Variants in RGS6 observed in about 807,000 individuals in gnomAD.
RGS6 encodes the protein regulator of G-protein signaling 6.
A neutral mutation model predicts 78.5 loss-of-function variants in RGS6; 30 were observed. That is an observed-to-expected ratio of 0.38 (90% CI 0.29 to 0.52). The LOEUF is 0.52. Among genes scored for constraint, RGS6 ranks in the 20% least tolerant of loss-of-function variants. The probability of loss-of-function intolerance (pLI) is 0.85; values close to 1 mark genes in which losing one functional copy is unlikely to be tolerated. For missense variants in RGS6, 495 were observed against 609.7 expected (o/e 0.81, Z 1.98); for synonymous variants, 206 against 206.0 (o/e 1.00, Z 0.00).
At chr14:71,948,498 T>C (rs2091864774) in intron 1 of RGS6, among the ~76,000 whole-genome samples, 1 of 152,222 alleles carries the variant, frequency 6.6e-6, no homozygotes, top group Non-Finnish European at 1.5e-5. Context: ...AGATCTGCAT[T>C]TATTTGCACT....
intron 6 of RGS6, among the ~76,000 whole-genome samples, chr14:72,463,593 A>T (rs1286480939): frequency 6.6e-6 from 1 of 152,212 alleles, no homozygotes; most frequent in Non-Finnish European, 1.5e-5. Context: ...ATTTCTTGGG[A>T]TGACTCTGCC....
At chr14:72,228,986 C>T (rs4903002) in intron 2 of RGS6, among the ~76,000 whole-genome samples, 17,519 of 152,078 alleles carry the variant, frequency 0.12, 1,266 homozygotes, top group East Asian at 0.33. Context: ...ACCTGGGAAG[C>T]GGAGGTTGCA....
At chr14:72,173,754 G>A (rs952743783) in intron 2 of RGS6, among the ~76,000 whole-genome samples, 9 of 152,014 alleles carry the variant, frequency 5.9e-5, no homozygotes, top group African/African-American at 9.7e-5. Flanking sequence ...GAACCTTCCC[G>A]TCCCCTCCTC....
chr14:72,362,307 G>A (rs1386396366), intron 3 of RGS6, among the ~76,000 whole-genome samples: 1 of 152,106 alleles, frequency 6.6e-6, no homozygotes, highest in East Asian at 1.9e-4. Flanking sequence ...ATTTTTATTG[G>A]GTATGTCTAG....
chr14:72,144,925 G>A (rs2096588149), intron 2 of RGS6, among the ~76,000 whole-genome samples: 2 of 152,142 alleles, frequency 1.3e-5, no homozygotes, highest in South Asian at 2.1e-4. Context: ...GAAGCATTCA[G>A]GGATCAGAGT....
chr14:72,492,197 TCACATGA>T (rs919417864), intron 12 of RGS6, among the ~76,000 whole-genome samples: 2 of 152,194 alleles, frequency 1.3e-5, no homozygotes. Context: ...TTCATCAGTT[TCACATGA>T]CACAGAAGCC....
chr14:72,174,202 G>A (rs867532454), intron 2 of RGS6, among the ~76,000 whole-genome samples: 52 of 152,234 alleles, frequency 3.4e-4, no homozygotes, highest in African/African-American at 1.2e-3. Context: ...CTGCCTCCCA[G>A]GTTCAAGCAA....
At chr14:72,284,767 G>A (rs2062207882) in intron 2 of RGS6, among the ~76,000 whole-genome samples, 1 of 152,120 alleles carries the variant, frequency 6.6e-6, no homozygotes, top group South Asian at 2.1e-4. Flanking sequence ...TGTATCGTAT[G>A]CCTGGAAAAG....
intron 15 of RGS6, among the ~76,000 whole-genome samples, chr14:72,525,725 G>T (rs188048784): frequency 6.6e-6 from 1 of 152,320 alleles, no homozygotes; most frequent in South Asian, 2.1e-4. Flanking sequence ...GCGGCATTGC[G>T]TGCCAGTATC....
intron 12 of RGS6, among the ~76,000 whole-genome samples, chr14:72,492,431 G>T (rs1337184769): frequency 6.6e-6 from 1 of 152,148 alleles, no homozygotes; most frequent in East Asian, 1.9e-4. Flanking sequence ...CTGGAATGAG[G>T]GTTTTCAAGG....
At chr14:71,924,059 T>C in the RGS6 span, among the ~76,000 whole-genome samples, 15 of 152,178 alleles carry the variant, frequency 9.9e-5, no homozygotes, top group Non-Finnish European at 2.1e-4. Flanking sequence ...TTCATTTATG[T>C]TTTGAGACAG....
intron 14 of RGS6, among the ~76,000 whole-genome samples, chr14:72,511,070 T>C (rs904671347): frequency 6.6e-6 from 1 of 152,224 alleles, no homozygotes; most frequent in African/African-American, 2.4e-5. Context: ...TTTATGGTAT[T>C]AGATGAAGAA....
intron 2 of RGS6, among the ~76,000 whole-genome samples, chr14:72,057,722 C>T (rs1045209118): frequency 1.8e-4 from 27 of 152,126 alleles, no homozygotes; most frequent in Admixed American, 9.8e-4. Context: ...GGGCCTTTTG[C>T]GCGTCATTTT....
At chr14:72,091,778 T>A (rs2095276652) in intron 2 of RGS6, among the ~76,000 whole-genome samples, 1 of 152,128 alleles carries the variant, frequency 6.6e-6, no homozygotes, top group African/African-American at 2.4e-5. Flanking sequence ...ATGTACTCAC[T>A]TCATGGGAAC....
chr14:72,184,369 AACACACACACAC>A lies in RGS6; in HGVS notation c.85-167694_85-167683del, dbSNP rs10638767. Among the ~76,000 whole-genome samples the A allele has an allele frequency of 7.9e-3, 1,116 of 141,372 alleles. 13 individuals carry two copies. Among genetic ancestry groups the A allele is most frequent in the Non-Finnish European group, 0.01 (681 of 65,482 alleles). The allele number at this position is 141,372 out of a possible 152,430, so 92.7% of individuals were successfully genotyped here. ...ATATAACAGAAGTATTTTACTTTCA[AACACACACACAC>A]ACACACACACACACACACACACACA... On this transcript the variant is annotated intron_variant, in intron 2 of 17. Coordinates refer to ENST00000553525, the MANE Select transcript of RGS6 (RefSeq NM_001204424.2).
the RGS6 span, among the ~76,000 whole-genome samples, chr14:71,893,067 G>C: frequency 6.6e-6 from 1 of 152,170 alleles, no homozygotes; most frequent in Admixed American, 6.5e-5. Flanking sequence ...TTTATTAGTT[G>C]GTTTTTATCT....
intron 2 of RGS6, among the ~76,000 whole-genome samples, chr14:72,044,543 GAC>G (rs1364890660): frequency 6.6e-6 from 1 of 151,934 alleles, no homozygotes; most frequent in Non-Finnish European, 1.5e-5. Flanking sequence ...CTAGAGCTGA[GAC>G]ATTCATCTGC....
intron 2 of RGS6, among the ~76,000 whole-genome samples, chr14:72,209,741 G>C (rs1015549512): frequency 1.2e-4 from 19 of 152,302 alleles, no homozygotes; most frequent in African/African-American, 4.3e-4. Flanking sequence ...CGTTCAGGGA[G>C]CATGCAGTGG....
At chr14:71,912,386 C>A in the RGS6 span, among the ~76,000 whole-genome samples, 60 of 152,248 alleles carry the variant, frequency 3.9e-4, 1 homozygote, top group African/African-American at 1.3e-3. Flanking sequence ...ATTTCTCACA[C>A]TAAAGGATCT....
Sources: gnomAD v4.1 joint callset for allele counts (sites outside exome capture counted in the v4.1 genomes callset) on GRCh38, gnomAD v4.1.1 for gene constraint, MANE v1.5 for transcripts, NCBI Gene and HGNC (gene_info 2026-07-23, HGNC 2026-07-21) for gene names.